NUDC: variants seen among roughly 807,000 people sequenced by gnomAD.
NUDC encodes the protein nuclear migration protein nudC.
In NUDC, 14 loss-of-function variants were observed where a neutral mutation model predicts 45.0. The ratio of observed to expected loss-of-function variants is 0.31; its 90% CI spans 0.21 to 0.49. The LOEUF is 0.49. Ranked by LOEUF, NUDC falls within the 20% of genes least tolerant of loss-of-function variation. The pLI is 0.99. For missense variants in NUDC, 323 were observed against 426.2 expected, an observed-to-expected ratio of 0.76 and a Z score of 2.13; for synonymous variants, 153 against 156.7, an observed-to-expected ratio of 0.98 and a Z score of 0.17.
At chr1:26,942,259 C>G (rs906262376) in intron 4 of NUDC, among the ~76,000 whole-genome samples, 1 of 152,160 alleles carries the variant, frequency 6.6e-6, no homozygotes, top group African/African-American at 2.4e-5. Flanking sequence ...CCACTGCACT[C>G]CAGCCTGGGC....
chr1:26,940,665 T>C (rs1176073933), intron 2 of NUDC, among the ~76,000 whole-genome samples: 3 of 152,226 alleles, frequency 2.0e-5, no homozygotes, highest in Admixed American at 2.0e-4. Flanking sequence ...CTTGAGTTTT[T>C]ACTTTAAACA....
intron 2 of NUDC, among the ~76,000 whole-genome samples, chr1:26,934,561 C>T (rs745413872): frequency 1.8e-4 from 28 of 152,264 alleles, no homozygotes; most frequent in Non-Finnish European, 3.2e-4. Flanking sequence ...CTGCATTAAC[C>T]CATAAGTCCC....
chr1:26,923,997 A>G (rs972015041), intron 1 of NUDC, 92 bp from the exon 2 acceptor site: 18 of 1,148,974 alleles, frequency 1.6e-5, no homozygotes, highest in Non-Finnish European at 1.8e-5. Context: ...TCAAGTCCCA[A>G]GTTCCCTCCT....
intron 4 of NUDC, 70 bp downstream of exon 4, chr1:26,941,888 C>A: frequency 6.9e-7 from 1 of 1,451,384 alleles, no homozygotes; most frequent in Non-Finnish European, 9.6e-7. Context: ...CTGCCTACTG[C>A]TTTCTCTGGA....
chr1:26,904,045 AAAT>A (rs1054285985), intron 2 of NUDC, among the ~76,000 whole-genome samples: 11 of 145,754 alleles, frequency 7.5e-5, no homozygotes, highest in African/African-American at 2.7e-4. Context: ...TTAAATAAAT[AAAT>A]AATAAATAAA....
chr1:26,908,362 G>A (rs1253549943), intron 2 of NUDC, among the ~76,000 whole-genome samples: 2 of 152,142 alleles, frequency 1.3e-5, no homozygotes, highest in Admixed American at 6.6e-5. Flanking sequence ...GAGAAAGCAC[G>A]ATTCCCCTTA....
upstream of NUDC, among the ~76,000 whole-genome samples, chr1:26,919,805 A>T (rs998075656): frequency 3.3e-5 from 5 of 152,208 alleles, no homozygotes; most frequent in African/African-American, 1.2e-4. Flanking sequence ...ATAGAGTGGG[A>T]AGAAATAGTA....
At chr1:26,917,398 C>T (rs1272477236), upstream of NUDC, among the ~76,000 whole-genome samples, 1 of 151,596 alleles carries the variant, frequency 6.6e-6, no homozygotes, top group African/African-American at 2.4e-5. Flanking sequence ...TCCATCTCTA[C>T]TAAACATACA....
chr1:26,906,729 G>A (rs1570708649), intron 2 of NUDC, among the ~76,000 whole-genome samples: 1 of 151,600 alleles, frequency 6.6e-6, no homozygotes. Context: ...GGCGCCTGTA[G>A]TCCCAGCTAC....
intron 3 of NUDC, chr1:26,911,803 G>A: frequency 1.9e-6 from 3 of 1,613,310 alleles, no homozygotes; most frequent in Non-Finnish European, 2.5e-6. Context: ...AATCAGCACT[G>A]CCAGCCTCTG....
chr1:26,941,496 C>G lies in NUDC; in HGVS notation c.199C>G (p.Gln67Glu). The change falls in exon 3 of 9, where the codon CAG (glutamine) becomes GAG (glutamate). Residue 67 changes from glutamine to glutamate, a missense_variant. By Grantham distance (29) the Gln-to-Glu change is conservative (BLOSUM62 2). Coordinates refer to ENST00000321265, the MANE Select transcript of NUDC (RefSeq NM_006600.4). Reference protein sequence around the residue: ...QTFSHHNQLAQKTRREKRARQ... With the variant: ...QTFSHHNQLAEKTRREKRARQ... ...TTTCAGCCACCACAATCAGCTGGCA[C>G]AGAAGACCCGGCGGGAGAAGAGAGC... 1 of 1,614,068 alleles carries G rather than the reference C, an allele frequency of 6.2e-7. No individual in the cohort carries two copies. Among genetic ancestry groups the G allele is most frequent in the Non-Finnish European group, 8.5e-7 (1 of 1,180,012 alleles).
At chr1:26,933,403 A>AGTTTTT (rs566352112) in intron 2 of NUDC, among the ~76,000 whole-genome samples, 32 of 151,874 alleles carry the variant, frequency 2.1e-4, no homozygotes, top group East Asian at 5.8e-4. Context: ...ATCATATGGT[A>AGTTTTT]GTTTTTGTTT....
intron 2 of NUDC, among the ~76,000 whole-genome samples, chr1:26,931,576 C>T (rs1171702595): frequency 3.3e-5 from 5 of 149,580 alleles, no homozygotes; most frequent in Non-Finnish European, 5.9e-5. Context: ...GTCAGGAGAT[C>T]GAGACTATCC....
chr1:26,937,104 T>C (rs1419246131), intron 2 of NUDC, among the ~76,000 whole-genome samples: 1 of 152,204 alleles, frequency 6.6e-6, no homozygotes, highest in Non-Finnish European at 1.5e-5. Flanking sequence ...TTATTTACTG[T>C]TACTTGTTTA....
chr1:26,900,618 C>G (rs2081973769), intron 1 of NUDC, among the ~76,000 whole-genome samples: 1 of 152,054 alleles, frequency 6.6e-6, no homozygotes, highest in African/African-American at 2.4e-5. Flanking sequence ...AGAGGGAAGC[C>G]GGCGATGATG....
intron 3 of NUDC, chr1:26,911,673 C>T: frequency 2.6e-6 from 2 of 771,482 alleles, no homozygotes; most frequent in Non-Finnish European, 4.4e-6. Context: ...TGTGTCCAAA[C>T]CAAGGAAGTC....
upstream of NUDC, among the ~76,000 whole-genome samples, chr1:26,919,961 C>T (rs1342239512): frequency 1.3e-5 from 2 of 152,164 alleles, no homozygotes; most frequent in East Asian, 1.9e-4. Flanking sequence ...CCTCAAGAGC[C>T]CTCAGTCTGA....
intron 2 of NUDC, among the ~76,000 whole-genome samples, chr1:26,926,177 G>A (rs1394724312): frequency 1.3e-5 from 2 of 152,114 alleles, no homozygotes; most frequent in East Asian, 1.9e-4. Context: ...CACCACGCCC[G>A]GCGCCATTAT....
intron 6 of NUDC, chr1:26,945,145 C>G: frequency 1.7e-6 from 1 of 587,338 alleles, no homozygotes; most frequent in South Asian, 2.0e-5. Flanking sequence ...CTCCCTCCAC[C>G]CTGGATGAAT....
Sources: allele counts gnomAD v4.1 joint callset (sites outside exome capture counted in the v4.1 genomes callset), GRCh38; gene constraint gnomAD v4.1.1; transcripts MANE v1.5; gene names NCBI Gene and HGNC (gene_info 2026-07-23, HGNC 2026-07-21).